CAMKMT: variants seen among roughly 807,000 people sequenced by gnomAD.
CAMKMT encodes calmodulin-lysine N-methyltransferase.
A neutral mutation model predicts 48.0 loss-of-function variants in CAMKMT; 53 were observed. The ratio of observed to expected loss-of-function variants is 1.10; its 90% CI spans 0.89 to 1.39. CAMKMT has a LOEUF of 1.39. Among genes scored for constraint, CAMKMT ranks in the 40% most tolerant of loss-of-function variants. The pLI, the probability that CAMKMT is intolerant of heterozygous loss-of-function variation, is 0.00. For missense variants in CAMKMT, 428 were observed against 402.7 expected (o/e 1.06, Z -0.54); for synonymous variants, 165 against 152.3 (o/e 1.08, Z -0.61).
intron 3 of CAMKMT, among the ~76,000 whole-genome samples, chr2:44,415,565 G>T (rs1484783908): frequency 3.9e-5 from 6 of 152,050 alleles, no homozygotes; most frequent in Admixed American, 3.9e-4. Flanking sequence ...CCTTTAAGTT[G>T]GTCACTTTGC....
intron 3 of CAMKMT, among the ~76,000 whole-genome samples, chr2:44,548,134 T>C (rs1667506507): frequency 1.3e-5 from 2 of 152,230 alleles, no homozygotes; most frequent in Non-Finnish European, 2.9e-5. Context: ...CTTAGTTCTT[T>C]TATTCAACAA....
At chr2:44,426,168 AT>A (rs777840819) in intron 3 of CAMKMT, among the ~76,000 whole-genome samples, 86 of 152,360 alleles carry the variant, frequency 5.6e-4, no homozygotes, top group Middle Eastern at 6.8e-3. Context: ...TAGTTTAAAT[AT>A]TTTTGAAAAT....
At chr2:44,658,414 C>G (rs748599541) in intron 3 of CAMKMT, among the ~76,000 whole-genome samples, 1 of 151,542 alleles carries the variant, frequency 6.6e-6, no homozygotes, top group Non-Finnish European at 1.5e-5. Flanking sequence ...TGGCTCACCA[C>G]CGCCCTACAC....
chr2:44,747,940 A>G (rs1331358946), intron 8 of CAMKMT, among the ~76,000 whole-genome samples: 2 of 152,084 alleles, frequency 1.3e-5, no homozygotes, highest in Non-Finnish European at 2.9e-5. Context: ...ATGTATTTTG[A>G]TCAGTAACTG....
intron 3 of CAMKMT, among the ~76,000 whole-genome samples, chr2:44,493,787 A>G (rs1669627796): frequency 1.3e-5 from 2 of 152,206 alleles, no homozygotes; most frequent in African/African-American, 4.8e-5. Flanking sequence ...TGTGTTAAAG[A>G]AAATTACGAA....
At chr2:44,471,296 G>A (rs1462624753) in intron 3 of CAMKMT, among the ~76,000 whole-genome samples, 2 of 151,518 alleles carry the variant, frequency 1.3e-5, no homozygotes, top group Non-Finnish European at 2.9e-5. Context: ...CGGCTCTAAT[G>A]TTTCTTCTCT....
intron 3 of CAMKMT, among the ~76,000 whole-genome samples, chr2:44,501,331 C>T (rs1572659630): frequency 6.6e-6 from 1 of 152,250 alleles, no homozygotes; most frequent in East Asian, 1.9e-4. Context: ...CTATTAAACA[C>T]TTTCACTGGG....
chr2:44,371,447 G>T (rs1245896745), intron 1 of CAMKMT, among the ~76,000 whole-genome samples: 1 of 152,092 alleles, frequency 6.6e-6, no homozygotes, highest in Non-Finnish European at 1.5e-5. Context: ...TTCTTTTTCT[G>T]TTTCACAGGT....
At chr2:44,521,022 A>G (rs1671079590) in intron 3 of CAMKMT, among the ~76,000 whole-genome samples, 1 of 152,184 alleles carries the variant, frequency 6.6e-6, no homozygotes, top group Non-Finnish European at 1.5e-5. Flanking sequence ...ATTTCTTCAT[A>G]GCAGAGTGAG....
At chr2:44,534,767 A>C (rs186632395) in intron 3 of CAMKMT, among the ~76,000 whole-genome samples, 10 of 152,288 alleles carry the variant, frequency 6.6e-5, no homozygotes, top group African/African-American at 2.2e-4. Flanking sequence ...TGCCTACATC[A>C]AAAAAGTAGA....
Position 44,441,640 on chromosome 2 carries a change from G to T in CAMKMT, c.376+51335G>T, listed in dbSNP as rs557895890. On this transcript the variant is annotated intron_variant, in intron 3 of 10. Coordinates refer to ENST00000378494, the MANE Select transcript of CAMKMT (RefSeq NM_024766.5). ...ATATAGTGCCTTCGAATATCTTTCAGATTGGTGCATTGATATTTGTAGATA... is the reference window on the plus strand; with the variant it reads ...ATATAGTGCCTTCGAATATCTTTCATATTGGTGCATTGATATTTGTAGATA... Among the ~76,000 whole-genome samples the T allele has an allele frequency of 3.3e-5, 5 of 152,048 alleles. No individual in the cohort carries two copies. In the South Asian group the frequency reaches 1.0e-3, roughly 32 times the overall value.
At chr2:44,680,937 A>G (rs1299483513) in intron 3 of CAMKMT, among the ~76,000 whole-genome samples, 4 of 152,210 alleles carry the variant, frequency 2.6e-5, no homozygotes, top group Admixed American at 2.0e-4. Context: ...ATAACTCGAC[A>G]TGCCATGGGT....
chr2:44,706,353 C>G lies in CAMKMT; in HGVS notation c.492+12C>G. On this transcript the variant is annotated intron_variant, in intron 5 of 10. Transcript: ENST00000378494. ...TGGCTGGGCTCATGGTAGGTCTTTT[C>G]TCCATTCCAATCCCATTCAGAGGGA... 6.2e-7 allele frequency: 1 copy of G among 1,612,914 alleles called. No individual in the cohort carries two copies. Among genetic ancestry groups the G allele is most frequent in the African/African-American group, 1.3e-5 (1 of 74,896 alleles).
intron 3 of CAMKMT, among the ~76,000 whole-genome samples, chr2:44,630,151 T>C (rs1238407426): frequency 6.6e-6 from 1 of 151,974 alleles, no homozygotes; most frequent in Non-Finnish European, 1.5e-5. Flanking sequence ...GCGGAAAGGA[T>C]TCCCTATTTA....
intron 3 of CAMKMT, among the ~76,000 whole-genome samples, chr2:44,438,950 C>T (rs1262117189): frequency 6.6e-6 from 1 of 152,126 alleles, no homozygotes; most frequent in African/African-American, 2.4e-5. Context: ...TTGGTTGGTG[C>T]CCTTTTTTGG....
At chr2:44,487,007 C>T (rs1471578301) in intron 3 of CAMKMT, among the ~76,000 whole-genome samples, 3 of 152,192 alleles carry the variant, frequency 2.0e-5, no homozygotes, top group Middle Eastern at 3.2e-3. Context: ...CATTTTGGAA[C>T]ATGTAATTCT....
At chr2:44,759,230 C>T (rs879720796) in intron 9 of CAMKMT, among the ~76,000 whole-genome samples, 2 of 152,158 alleles carry the variant, frequency 1.3e-5, no homozygotes, top group African/African-American at 4.8e-5. Context: ...CTCAGGTGAT[C>T]CTCCTGCCTC....
chr2:44,700,936 C>A (rs1049736366), intron 3 of CAMKMT, among the ~76,000 whole-genome samples: 4 of 152,112 alleles, frequency 2.6e-5, no homozygotes, highest in African/African-American at 9.7e-5. Context: ...GCCTGTATAA[C>A]GTTTTCAAGT....
chr2:44,389,931 G>A (rs906959339), intron 2 of CAMKMT, among the ~76,000 whole-genome samples: 1 of 152,110 alleles, frequency 6.6e-6, no homozygotes, highest in Admixed American at 6.6e-5. Flanking sequence ...TATACTGTGT[G>A]GGTTTTTGGC....
Sources: allele counts gnomAD v4.1 joint callset (sites outside exome capture counted in the v4.1 genomes callset), GRCh38; gene constraint gnomAD v4.1.1; transcripts MANE v1.5; gene names NCBI Gene and HGNC (gene_info 2026-07-23, HGNC 2026-07-21).